Variants in COL4A2 observed in about 807,000 individuals in gnomAD.
COL4A2 encodes collagen alpha-2(IV) chain.
In COL4A2, 99 loss-of-function variants were observed where a neutral mutation model predicts 200.2. The observed-to-expected ratio is 0.49, with a 90% confidence interval of 0.42 to 0.58. The LOEUF is 0.58. Among genes scored for constraint, COL4A2 ranks in the 20% least tolerant of loss-of-function variants. COL4A2 has a pLI of 0.00. For missense variants in COL4A2, 1,950 were observed against 2,314.1 expected (o/e 0.84, Z 3.23); for synonymous variants, 897 against 900.6 (o/e 1.00, Z 0.07).
At chr13:110,319,123 T>TG (rs1374329085) in intron 3 of COL4A2, among the ~76,000 whole-genome samples, 6 of 151,586 alleles carry the variant, frequency 4.0e-5, no homozygotes, top group African/African-American at 1.2e-4. Context: ...CGGGGGCCTG[T>TG]GGGGGGAGGT....
intron 24 of COL4A2, 106 bp downstream of exon 24, chr13:110,462,490 G>A (rs1251872409): frequency 2.8e-6 from 3 of 1,053,432 alleles, no homozygotes; most frequent in Admixed American, 2.1e-5. Context: ...AAACCAACCT[G>A]TGCATAGGAC....
In COL4A2 at chr13:110,503,875, G is replaced by A. The variant is rs776334302; in HGVS notation, c.4167G>A (p.Gly1389=). 4 of 1,613,960 alleles carry A rather than the reference G, an allele frequency of 2.5e-6. No homozygotes were observed. The South Asian group carries it at 3.3e-5, about 13-fold the overall frequency. The change falls in exon 44 of 48, where the codon GGG becomes GGA. Residue 1389 remains glycine, a synonymous_variant. Transcript: ENST00000360467. ...CCCCCGGGACTGTGGGAGCCCCCGG[G>A]ATTGCAGGAATCCCCCAGAAGATTG... is the stretch of plus-strand genomic sequence containing the variant. The part of the protein sequence containing the change: ...PGAPGTVGAP[G]IAGIPQKIAV...
At chr13:110,489,225 G>A (rs146876387) in intron 34 of COL4A2, among the ~76,000 whole-genome samples, 8 of 152,110 alleles carry the variant, frequency 5.3e-5, no homozygotes, top group African/African-American at 1.4e-4. Flanking sequence ...GACAGACTGC[G>A]ATCCTGTCTC....
intron 4 of COL4A2, among the ~76,000 whole-genome samples, chr13:110,417,957 T>C (rs9515210): frequency 0.94 from 143,763 of 152,134 alleles, 68,469 homozygotes; most frequent in East Asian, 1. Flanking sequence ...TTAGAAGAAA[T>C]TGCCAAACTG....
chr13:110,313,097 A>G (rs1447861390), intron 3 of COL4A2, among the ~76,000 whole-genome samples: 1 of 152,158 alleles, frequency 6.6e-6, no homozygotes, highest in South Asian at 2.1e-4. Context: ...TCAATATGCC[A>G]CATGGGACTT....
intron 4 of COL4A2, among the ~76,000 whole-genome samples, chr13:110,423,262 T>C (rs913194160): frequency 1.2e-3 from 177 of 151,886 alleles, no homozygotes; most frequent in African/African-American, 4.1e-3. Flanking sequence ...TCCCCTCCCC[T>C]CCTTTCTCAT....
intron 43 of COL4A2, 41 bp downstream of exon 43, chr13:110,503,522 C>T (rs1180101366): frequency 1.6e-6 from 2 of 1,216,848 alleles, no homozygotes; most frequent in Admixed American, 4.7e-5. Context: ...GTGGCTCAGC[C>T]CAGCCTCTCC....
chr13:110,501,106 TG>T (rs972978817), intron 40 of COL4A2, among the ~76,000 whole-genome samples: 3 of 152,142 alleles, frequency 2.0e-5, no homozygotes, highest in African/African-American at 7.2e-5. Flanking sequence ...AGTGTTGATT[TG>T]GGGGGGATTC....
chr13:110,472,304 A>T (rs1265743677), intron 28 of COL4A2, among the ~76,000 whole-genome samples: 1 of 151,788 alleles, frequency 6.6e-6, no homozygotes, highest in Non-Finnish European at 1.5e-5. Context: ...TTTAGTAGAG[A>T]CGAGGTTTCA....
At chr13:110,327,363 T>A (rs1052404658) in intron 3 of COL4A2, among the ~76,000 whole-genome samples, 3 of 152,168 alleles carry the variant, frequency 2.0e-5, no homozygotes, top group African/African-American at 7.2e-5. Context: ...TCCGGGTATT[T>A]CAGACAAACT....
chr13:110,393,234 C>T (rs1308039486), intron 4 of COL4A2, among the ~76,000 whole-genome samples: 1 of 152,164 alleles, frequency 6.6e-6, no homozygotes, highest in African/African-American at 2.4e-5. Flanking sequence ...CTCTAACAAG[C>T]TCATTTTAAA....
At chr13:110,464,340 CT>C (rs1320553857) in intron 24 of COL4A2, among the ~76,000 whole-genome samples, 1 of 152,038 alleles carries the variant, frequency 6.6e-6, no homozygotes, top group African/African-American at 2.4e-5. Flanking sequence ...GGTGTAGGGA[CT>C]TTCCCAGTGC....
At chr13:110,351,841 C>A (rs1876972122) in intron 3 of COL4A2, among the ~76,000 whole-genome samples, 1 of 152,210 alleles carries the variant, frequency 6.6e-6, no homozygotes, top group East Asian at 1.9e-4. Context: ...TCCCCCTAGG[C>A]AAACTCCTTC....
chr13:110,446,575 G>A (rs994880456), intron 17 of COL4A2, among the ~76,000 whole-genome samples: 2 of 152,202 alleles, frequency 1.3e-5, no homozygotes, highest in African/African-American at 4.8e-5. Flanking sequence ...GCCCCTGCCT[G>A]TCTTGTTCTC....
Position 110,307,739 on chromosome 13 carries a change from G to A in COL4A2, c.-44-121G>A, listed in dbSNP as rs554627248. The A allele has an allele frequency of 1.3e-5, 12 of 921,906 alleles. No individual in the cohort carries two copies. Among genetic ancestry groups the A allele is most frequent in the South Asian group, 8.8e-5 (5 of 56,888 alleles). The allele number at this position is 921,906 out of a possible 1,614,324, so 57.1% of individuals were successfully genotyped here. A position where few individuals can be genotyped will look rare whatever the true frequency, so the allele number is the denominator to read the frequency against. ...CGGGTCGTGGGGGGGACGGCCCTCC[G>A]GTCACCCCTGCATGCGGGCCGCGCA... is the stretch of plus-strand genomic sequence containing the variant. On this transcript the variant is annotated intron_variant, in intron 1 of 47. Coordinates refer to ENST00000360467, the MANE Select transcript of COL4A2 (RefSeq NM_001846.4). This position sits in a 1 kb window ranked among gnomAD's most constrained non-coding sequence, Gnocchi z 5.0.
At chr13:110,322,561 G>T (rs956230900) in intron 3 of COL4A2, among the ~76,000 whole-genome samples, 2 of 152,206 alleles carry the variant, frequency 1.3e-5, no homozygotes, top group African/African-American at 4.8e-5. Context: ...GGGAACCCCG[G>T]GAGGGGCTGT....
rs1880405756 is a variant in COL4A2 at position 110,424,834 on chromosome 13, G to A, written c.281G>A (p.Gly94Glu). 1.6e-5 allele frequency: 26 copies of A among 1,614,104 alleles called. No individual in the cohort carries two copies. Among genetic ancestry groups the A allele is most frequent in the Non-Finnish European group, 2.2e-5 (26 of 1,179,978 alleles). The change falls in exon 5 of 48, where the codon GGA becomes GAA. Residue 94 changes from glycine (G) to glutamate (E), a missense_variant. This residue lies in a region of COL4A2 where 565 missense variants were observed against 593.5 expected (regional missense o/e 0.95). Transcript: ENST00000360467. ...QGRKGDKGER[G>E]APGVTGPKGD... ...CGTAAAGGAGACAAGGGTGAAAGGG[G>A]AGCCCCCGGAGTAACGGGACCCAAG...
At chr13:110,460,134 G>T (rs149203521) in intron 22 of COL4A2, among the ~76,000 whole-genome samples, 1 of 152,264 alleles carries the variant, frequency 6.6e-6, no homozygotes, top group African/African-American at 2.4e-5. Context: ...CAGCAATAGA[G>T]GAAAAACAGT....
At chr13:110,395,853 A>G (rs921776603) in intron 4 of COL4A2, among the ~76,000 whole-genome samples, 6 of 152,144 alleles carry the variant, frequency 3.9e-5, no homozygotes, top group African/African-American at 1.4e-4. Flanking sequence ...TTTGAGGCAC[A>G]AGAATTGCTT....
Sources: gnomAD v4.1 joint callset for allele counts (sites outside exome capture counted in the v4.1 genomes callset) on GRCh38, gnomAD v4.1.1 for gene constraint, gnomAD v4.1.1 regional missense constraint, Gnocchi (gnomAD v3.1) non-coding constraint, MANE v1.5 for transcripts, NCBI Gene and HGNC (gene_info 2026-07-23, HGNC 2026-07-21) for gene names.